NRG1: variants seen among roughly 807,000 people sequenced by gnomAD.
The protein encoded by NRG1 is pro-neuregulin-1, membrane-bound isoform.
A neutral mutation model predicts 63.8 loss-of-function variants in NRG1; 18 were observed. The observed-to-expected ratio is 0.28, with a 90% CI of 0.19 to 0.42. The LOEUF (loss-of-function observed/expected upper bound fraction) is 0.42, where lower values mean the gene tolerates loss of function less well. NRG1 is among the 10% of genes least tolerant of loss of function. The pLI, the probability that NRG1 is intolerant of heterozygous loss-of-function variation, is 1.00. For missense variants in NRG1, 762 were observed against 814.7 expected (o/e 0.94, Z 0.79); for synonymous variants, 302 against 301.3 (o/e 1.00, Z -0.02).
At chr8:32,158,471 A>ATATATATATATATATATATATATC (rs1838425752) in intron 1 of NRG1, among the ~76,000 whole-genome samples, 1 of 133,410 alleles carries the variant, frequency 7.5e-6, no homozygotes, top group African/African-American at 2.7e-5. Flanking sequence ...ATATATATAT[A>ATATATATATATATATATATATATC]TCATGTATAT....
chr8:32,125,361 G>A (rs1194031734), intron 1 of NRG1, among the ~76,000 whole-genome samples: 1 of 151,882 alleles, frequency 6.6e-6, no homozygotes, highest in African/African-American at 2.4e-5. Context: ...TGCTTACTTG[G>A]CTTTTATCTC....
intron 1 of NRG1, among the ~76,000 whole-genome samples, chr8:32,008,803 G>A (rs1814238889): frequency 6.6e-6 from 1 of 152,014 alleles, no homozygotes; most frequent in South Asian, 2.1e-4. Flanking sequence ...GTGACTCAAA[G>A]CTCCAGAAAA....
At chr8:32,262,879 TGA>T (rs1426141114) in intron 1 of NRG1, among the ~76,000 whole-genome samples, 36 of 152,218 alleles carry the variant, frequency 2.4e-4, no homozygotes, top group Non-Finnish European at 2.2e-4. Flanking sequence ...TGACAAATCA[TGA>T]GAGTTTGCCA....
At chr8:32,229,166 G>A (rs1206868406) in intron 1 of NRG1, among the ~76,000 whole-genome samples, 3 of 152,162 alleles carry the variant, frequency 2.0e-5, no homozygotes, top group Admixed American at 6.5e-5. Flanking sequence ...TGGCAGCCAC[G>A]AAGTGAGAGA....
chr8:32,367,928 A>T (rs948014823), intron 1 of NRG1, among the ~76,000 whole-genome samples: 3 of 152,184 alleles, frequency 2.0e-5, no homozygotes, highest in African/African-American at 7.2e-5. Flanking sequence ...TGAAGAGACC[A>T]TCCTTTCCTC....
intron 1 of NRG1, among the ~76,000 whole-genome samples, chr8:32,575,426 T>TG (rs1186234739): frequency 7.1e-6 from 1 of 141,814 alleles, no homozygotes; most frequent in African/African-American, 2.7e-5. Flanking sequence ...CTGGAAGGGT[T>TG]GGGGATGGGA....
intron 1 of NRG1, among the ~76,000 whole-genome samples, chr8:32,047,840 G>A (rs1221893623): frequency 1.3e-5 from 2 of 150,916 alleles, no homozygotes; most frequent in African/African-American, 4.9e-5. Context: ...AGTCACCATG[G>A]TACAATAAAT....
chr8:32,736,949 TAA>T (rs1257170478), intron 6 of NRG1, among the ~76,000 whole-genome samples: 1 of 152,078 alleles, frequency 6.6e-6, no homozygotes, highest in East Asian at 1.9e-4. Context: ...CACCAAGCAT[TAA>T]GTTTATTTCA....
At chr8:32,215,264 A>G (rs1845092747) in intron 1 of NRG1, among the ~76,000 whole-genome samples, 1 of 152,210 alleles carries the variant, frequency 6.6e-6, no homozygotes, top group Admixed American at 6.5e-5. Context: ...CTCAGCAAAA[A>G]GGGCTATGTG....
Position 32,104,073 on chromosome 8 carries a change from AT to A in NRG1, c.37+464644del, listed in dbSNP as rs543695031. Among the ~76,000 whole-genome samples the A allele has an allele frequency of 6.9e-3, 1,055 of 152,302 alleles. 7 individuals carry two copies. The highest frequency in any genetic ancestry group is 0.011 in the Non-Finnish European group (733 of 68,038). On this transcript the variant is annotated intron_variant, in intron 1 of 10. Coordinates refer to the NRG1 transcript ENST00000519301. ...ACGACAGGGATACTTTGATAAATGC[AT>A]TATTAGACTATTTTGTACTTGTGTG...
intron 1 of NRG1, among the ~76,000 whole-genome samples, chr8:32,068,688 A>G (rs1171532036): frequency 1.3e-5 from 2 of 152,192 alleles, no homozygotes; most frequent in African/African-American, 2.4e-5. Context: ...TTCTGCCCTC[A>G]AGCCCCTTGT....
At chr8:31,981,547 G>A (rs1186877805) in intron 1 of NRG1, among the ~76,000 whole-genome samples, 1 of 152,054 alleles carries the variant, frequency 6.6e-6, no homozygotes, top group East Asian at 1.9e-4. Context: ...CCTATCTGAT[G>A]ATTTAGTGTC....
chr8:32,491,867 C>T (rs2129494878), intron 1 of NRG1, among the ~76,000 whole-genome samples: 1 of 152,288 alleles, frequency 6.6e-6, no homozygotes, highest in Non-Finnish European at 1.5e-5. Flanking sequence ...TTGTGATTAC[C>T]TGGGAATTAG....
rs1195775295 is a variant in NRG1 at position 31,987,313 on chromosome 8, C to CAT, written c.37+347889_37+347890dup. 1.2e-4 allele frequency among the ~76,000 whole-genome samples: 10 copies of CAT among 86,060 alleles called. No homozygotes were observed. The South Asian group carries it at 2.6e-3, about 23-fold the overall frequency. 56.5% of individuals were successfully genotyped at this position (86,060 alleles called of 152,430 possible). ...GACTGTCTCAAAAAAAAAAAAAAAA[C>CAT]ATATATATGTGTGTGTGTGTGTGTG... is the stretch of plus-strand genomic sequence containing the variant. On this transcript the variant is annotated intron_variant, in intron 1 of 10. Transcript: ENST00000519301.
intron 1 of NRG1, among the ~76,000 whole-genome samples, chr8:32,080,025 T>A (rs1049869761): frequency 3.9e-5 from 6 of 152,114 alleles, no homozygotes; most frequent in African/African-American, 1.4e-4. Flanking sequence ...GACTCAGGAC[T>A]GAGAGGAAAA....
intron 1 of NRG1, among the ~76,000 whole-genome samples, chr8:32,497,446 C>CAAAAA (rs34243536): frequency 1.7e-5 from 2 of 119,576 alleles, no homozygotes; most frequent in Non-Finnish European, 3.5e-5. Flanking sequence ...GATTTTGTAT[C>CAAAAA]AAAAAAAAAA....
intron 1 of NRG1, among the ~76,000 whole-genome samples, chr8:32,023,654 TG>T (rs143550422): frequency 0.018 from 2,688 of 152,246 alleles, 38 homozygotes; most frequent in Non-Finnish European, 0.028. Context: ...AGTGGTGCCT[TG>T]TCCCAGACAG....
chr8:31,992,286 G>T (rs1268931779), intron 1 of NRG1, among the ~76,000 whole-genome samples: 1 of 152,018 alleles, frequency 6.6e-6, no homozygotes, highest in Admixed American at 6.6e-5. Context: ...GGAAAAGGGG[G>T]TACCAAAAAA....
intron 1 of NRG1, among the ~76,000 whole-genome samples, chr8:31,782,074 A>G (rs1819741488): frequency 6.6e-6 from 1 of 152,106 alleles, no homozygotes. Flanking sequence ...TGCAATTGGT[A>G]CATGTGTTCA....
Sources: gnomAD v4.1 joint callset for allele counts (sites outside exome capture counted in the v4.1 genomes callset) on GRCh38, gnomAD v4.1.1 for gene constraint, MANE v1.5 for transcripts, NCBI Gene and HGNC (gene_info 2026-07-23, HGNC 2026-07-21) for gene names.